Variants in PLEKHH2 observed in about 807,000 individuals in gnomAD.
PLEKHH2 encodes pleckstrin homology, MyTH4 and FERM domain containing H2, also known as pleckstrin homology domain-containing family H member 2.
Under a neutral mutation model 187.9 loss-of-function variants are expected in PLEKHH2, and 129 were observed. The observed-to-expected ratio is 0.69, with a 90% CI of 0.59 to 0.79. PLEKHH2 has a LOEUF of 0.79. Among genes scored for constraint, PLEKHH2 ranks in the 30% least tolerant of loss-of-function variants. The pLI, the probability that PLEKHH2 is intolerant of heterozygous loss-of-function variation, is 0.00. For missense variants in PLEKHH2, 2,076 were observed against 1,751.2 expected, an observed-to-expected ratio of 1.19 and a Z score of -3.31; for synonymous variants, 686 against 605.6, an observed-to-expected ratio of 1.13 and a Z score of -1.95.
chr2:43,648,560 C>CGTGTGTGTGT lies in PLEKHH2; in HGVS notation c.123+3796_123+3805dup, dbSNP rs71410194. Among the ~76,000 whole-genome samples the CGTGTGTGTGT allele has an allele frequency of 1.9e-3, 256 of 137,954 alleles. 1 individual carries two copies. The highest frequency in any genetic ancestry group is 3.6e-3 in the Middle Eastern group (1 of 278). The allele number at this position is 137,954 out of a possible 152,430, so 90.5% of individuals were successfully genotyped here. A position where few individuals can be genotyped will look rare whatever the true frequency, so the allele number is the denominator to read the frequency against. On this transcript the variant is annotated intron_variant, in intron 2 of 29. Transcript: ENST00000282406. ...GAGGTGACCTAAATGTAATTACATT[C>CGTGTGTGTGT]GTGTGTGTGTGTGTGTGTGTGTGTG...
At chr2:43,716,611 G>A (rs1670222359) in intron 15 of PLEKHH2, among the ~76,000 whole-genome samples, 1 of 152,110 alleles carries the variant, frequency 6.6e-6, no homozygotes. Flanking sequence ...GTGAAGTGAG[G>A]ATAGTGGTTT....
chr2:43,756,809 C>T (rs190555130), intron 25 of PLEKHH2, among the ~76,000 whole-genome samples: 2 of 151,890 alleles, frequency 1.3e-5, no homozygotes, highest in Non-Finnish European at 2.9e-5. Flanking sequence ...ATTAGCCAAG[C>T]GTGGTGGTAT....
intron 23 of PLEKHH2, among the ~76,000 whole-genome samples, chr2:43,744,639 A>T (rs1441697940): frequency 6.6e-6 from 1 of 152,112 alleles, no homozygotes; most frequent in African/African-American, 2.4e-5. Context: ...AGGCCGGGTC[A>T]GGTGGATCAT....
chr2:43,702,386 G>A (rs185134553), intron 8 of PLEKHH2, among the ~76,000 whole-genome samples: 45 of 152,242 alleles, frequency 3.0e-4, no homozygotes, highest in Admixed American at 2.7e-3. Context: ...GGAAGTTAAT[G>A]GCATGTGAAT....
intron 16 of PLEKHH2, among the ~76,000 whole-genome samples, chr2:43,721,291 A>G (rs1325814253): frequency 6.6e-6 from 1 of 152,202 alleles, no homozygotes; most frequent in African/African-American, 2.4e-5. Flanking sequence ...ACGCATGCCC[A>G]GTCATCATTA....
chr2:43,715,761 C>T (rs536345356), intron 15 of PLEKHH2, among the ~76,000 whole-genome samples: 17 of 152,154 alleles, frequency 1.1e-4, no homozygotes, highest in Non-Finnish European at 1.9e-4. Flanking sequence ...TTTTGGAAGA[C>T]ATCAGGAGCT....
At chr2:43,644,634 C>T (rs929414905) in intron 1 of PLEKHH2, 37 bp from the exon 2 acceptor site, 2 of 1,438,662 alleles carry the variant, frequency 1.4e-6, no homozygotes, top group East Asian at 5.0e-5. Context: ...GAATGTTTTA[C>T]TTTTTAATTT....
At chr2:43,738,704 G>T (rs1671417690) in intron 20 of PLEKHH2, among the ~76,000 whole-genome samples, 184 bp downstream of exon 20, 1 of 152,078 alleles carries the variant, frequency 6.6e-6, no homozygotes, top group Non-Finnish European at 1.5e-5. Flanking sequence ...ATGTGTGTAT[G>T]TTGGTGTGTG....
intron 2 of PLEKHH2, among the ~76,000 whole-genome samples, chr2:43,657,785 T>A (rs1397422868): frequency 6.6e-6 from 1 of 152,226 alleles, no homozygotes; most frequent in African/African-American, 2.4e-5. Context: ...AGATGATCTC[T>A]AAATGTATTC....
intron 2 of PLEKHH2, among the ~76,000 whole-genome samples, chr2:43,660,109 T>A (rs1383407711): frequency 6.6e-6 from 1 of 152,236 alleles, no homozygotes; most frequent in Admixed American, 6.5e-5. Flanking sequence ...GTTTTGCCTA[T>A]TTTAGAGCAT....
intron 24 of PLEKHH2, among the ~76,000 whole-genome samples, chr2:43,751,926 C>CTTTTTTT (rs1191371733): frequency 5.0e-5 from 7 of 139,872 alleles, no homozygotes; most frequent in East Asian, 2.0e-4. Flanking sequence ...CTCTCTCTCT[C>CTTTTTTT]TTTTTTTTTT....
chr2:43,683,018 C>A (rs1668291383), intron 3 of PLEKHH2, among the ~76,000 whole-genome samples: 1 of 151,996 alleles, frequency 6.6e-6, no homozygotes, highest in Non-Finnish European at 1.5e-5. Flanking sequence ...ACTTTCACTG[C>A]CCTCGATGTC....
intron 28 of PLEKHH2, among the ~76,000 whole-genome samples, chr2:43,763,322 C>T (rs1672500270): frequency 6.6e-6 from 1 of 152,190 alleles, no homozygotes; most frequent in African/African-American, 2.4e-5. Context: ...GGCATTCAGT[C>T]CTGGAATGGT....
intron 24 of PLEKHH2, among the ~76,000 whole-genome samples, chr2:43,748,643 G>A (rs1401069672): frequency 1.3e-5 from 2 of 152,236 alleles, no homozygotes; most frequent in Non-Finnish European, 1.5e-5. Flanking sequence ...GTTTTGAGAA[G>A]CACTGACCTA....
intron 21 of PLEKHH2, among the ~76,000 whole-genome samples, chr2:43,741,789 C>G (rs1377722149): frequency 3.3e-5 from 5 of 152,116 alleles, no homozygotes; most frequent in Non-Finnish European, 7.4e-5. Flanking sequence ...AAGGATCTGC[C>G]TACAGGGCAC....
intron 3 of PLEKHH2, 111 bp downstream of exon 3, chr2:43,679,036 G>T: frequency 1.5e-6 from 1 of 655,416 alleles, no homozygotes; most frequent in South Asian, 2.4e-5. Flanking sequence ...TTATCTTTTT[G>T]ACTGTTCATA....
chr2:43,742,331 T>C (rs1384712478), intron 21 of PLEKHH2, among the ~76,000 whole-genome samples: 1 of 152,116 alleles, frequency 6.6e-6, no homozygotes, highest in Non-Finnish European at 1.5e-5. Context: ...TTACCTTGTT[T>C]AGTGGTCAAG....
At chr2:43,707,196 C>CAAAAAAAAAAAAAA (rs60819579) in intron 10 of PLEKHH2, among the ~76,000 whole-genome samples, 7 of 88,182 alleles carry the variant, frequency 7.9e-5, no homozygotes, top group African/African-American at 3.3e-4. Context: ...GACTCCACCT[C>CAAAAAAAAAAAAAA]AAAAAAAAAA....
At chr2:43,656,974 G>A (rs919326804) in intron 2 of PLEKHH2, among the ~76,000 whole-genome samples, 10 of 152,178 alleles carry the variant, frequency 6.6e-5, no homozygotes, top group African/African-American at 2.2e-4. Flanking sequence ...AGCCGAGATC[G>A]CGCCATTGCA....
Sources: gnomAD v4.1 joint callset for allele counts (sites outside exome capture counted in the v4.1 genomes callset) on GRCh38, gnomAD v4.1.1 for gene constraint, MANE v1.5 for transcripts, NCBI Gene and HGNC (gene_info 2026-07-23, HGNC 2026-07-21) for gene names.